The following GRK7 variants were observed in gnomAD, a reference collection of about 807,000 sequenced individuals.
GRK7 encodes rhodopsin kinase GRK7.
Under a neutral mutation model 34.1 loss-of-function variants are expected in GRK7, and 24 were observed. That is an observed-to-expected ratio of 0.70 (90% CI 0.51 to 0.99). The LOEUF (loss-of-function observed/expected upper bound fraction) is 0.99, where lower values mean the gene tolerates loss of function less well. GRK7 is among the 50% of genes least tolerant of loss of function. The probability of loss-of-function intolerance (pLI) is 0.00; values close to 1 mark genes in which losing one functional copy is unlikely to be tolerated. For synonymous variants in GRK7, 256 were observed against 279.4 expected, an observed-to-expected ratio of 0.92 and a Z score of 0.84; for missense variants, 644 against 707.3, an observed-to-expected ratio of 0.91 and a Z score of 1.02.
intron 2 of GRK7, among the ~76,000 whole-genome samples, chr3:141,777,431 T>C (rs2084645359): frequency 7.1e-6 from 1 of 141,408 alleles, no homozygotes. Context: ...TTCACGCCAT[T>C]CTCCTGCCTC....
intron 4 of GRK7, among the ~76,000 whole-genome samples, chr3:141,784,622 AC>A (rs1448624999): frequency 3.3e-5 from 5 of 152,170 alleles, no homozygotes; most frequent in African/African-American, 1.2e-4. Context: ...CATTATATTC[AC>A]AACATTTCAC....
chr3:141,810,108 T>A (rs924785159), intron 5 of GRK7, among the ~76,000 whole-genome samples: 6 of 152,198 alleles, frequency 3.9e-5, no homozygotes, highest in African/African-American at 1.4e-4. Flanking sequence ...AAAGCCTTAA[T>A]AAGAAAAGAC....
At chr3:141,757,130 T>TTC in the GRK7 span, among the ~76,000 whole-genome samples, 2 of 24,236 alleles carry the variant, frequency 8.3e-5, no homozygotes, top group Admixed American at 4.2e-4. Context: ...GATCTTCTTC[T>TTC]TTTTTTTTTT....
chr3:141,800,095 C>T (rs993322114), intron 4 of GRK7, among the ~76,000 whole-genome samples: 3 of 152,056 alleles, frequency 2.0e-5, no homozygotes, highest in East Asian at 1.9e-4. Flanking sequence ...CCTCTGCCAC[C>T]CCAGCAGAGT....
intron 4 of GRK7, among the ~76,000 whole-genome samples, chr3:141,789,288 C>G (rs2084711572): frequency 6.6e-6 from 1 of 152,120 alleles, no homozygotes; most frequent in African/African-American, 2.4e-5. Context: ...TGAGCAGTGT[C>G]CCTGGGAGTC....
chr3:141,811,490 A>T (rs557142266), intron 5 of GRK7, among the ~76,000 whole-genome samples: 20 of 152,152 alleles, frequency 1.3e-4, no homozygotes, highest in Non-Finnish European at 2.9e-4. Context: ...CTGCTTCCTC[A>T]AGCAAAGCCT....
intron 5 of GRK7, among the ~76,000 whole-genome samples, chr3:141,808,464 C>T (rs996144594): frequency 3.9e-5 from 6 of 152,112 alleles, no homozygotes; most frequent in African/African-American, 1.2e-4. Context: ...CCTGTAATGC[C>T]AGTACTTTGG....
At chr3:141,792,279 C>T (rs1208542334) in intron 4 of GRK7, among the ~76,000 whole-genome samples, 1 of 151,826 alleles carries the variant, frequency 6.6e-6, no homozygotes, top group Non-Finnish European at 1.5e-5. Context: ...TAGCACATGC[C>T]TGTAGTCCCA....
intron 4 of GRK7, among the ~76,000 whole-genome samples, chr3:141,803,400 CA>C (rs1460544534): frequency 1.3e-5 from 2 of 150,694 alleles, no homozygotes; most frequent in Non-Finnish European, 2.9e-5. Flanking sequence ...CACTGCACTC[CA>C]GACGGCGACA....
chr3:141,816,883 G>A lies in GRK7; in HGVS notation c.1495G>A (p.Asp499Asn), dbSNP rs775054575. ...TGAGGTTCGGGGGGTGGAATTTGAT[G>A]ACAAAGATAAGCAGTTCTTCAAAAA... is the stretch of plus-strand genomic sequence containing the variant. ...FSEVRGVEFDDKDKQFFKNFA... is the reference protein window; with the variant it reads ...FSEVRGVEFDNKDKQFFKNFA... Residue 499 changes from aspartate (D) to asparagine (N), a missense_variant, in exon 6 of 6, where the codon GAC becomes AAC. Asp to Asn is a conservative substitution (Grantham distance 23, BLOSUM62 1). Transcript: ENST00000682958. 37 of 1,614,036 alleles carry A rather than the reference G, an allele frequency of 2.3e-5. No homozygotes were observed. The highest frequency in any genetic ancestry group is 1.7e-4 in the Admixed American group (10 of 59,994).
intron 5 of GRK7, 121 bp from the exon 6 acceptor site, chr3:141,816,593 T>C (rs1027577360): frequency 5.0e-5 from 28 of 555,652 alleles, no homozygotes; most frequent in Non-Finnish European, 8.3e-5. Context: ...TATGTTATTA[T>C]ATTGTCTTTG....
the GRK7 span, among the ~76,000 whole-genome samples, chr3:141,753,037 T>C: frequency 1.2e-4 from 18 of 152,326 alleles, no homozygotes; most frequent in African/African-American, 4.1e-4. Context: ...AAACCCAGTC[T>C]ATGGCATTTT....
At chr3:141,786,774 G>A (rs1253605004) in intron 4 of GRK7, among the ~76,000 whole-genome samples, 2 of 147,328 alleles carry the variant, frequency 1.4e-5, no homozygotes, top group East Asian at 2.0e-4. Context: ...TAAGACTCTC[G>A]GAAAAAAAAA....
intron 4 of GRK7, among the ~76,000 whole-genome samples, chr3:141,807,016 T>G (rs1439303017): frequency 3.3e-5 from 5 of 152,100 alleles, no homozygotes; most frequent in Admixed American, 1.3e-4. Context: ...TCAGTAGAAG[T>G]GTGCCTATAA....
chr3:141,760,276 A>T, upstream of GRK7, among the ~76,000 whole-genome samples: 7 of 98,370 alleles, frequency 7.1e-5, no homozygotes, highest in Non-Finnish European at 1.1e-4. Flanking sequence ...CCCTCTACAC[A>T]CTGCTTTGAA....
intron 4 of GRK7, among the ~76,000 whole-genome samples, chr3:141,786,127 A>G (rs2084695086): frequency 6.6e-6 from 1 of 152,144 alleles, no homozygotes; most frequent in Non-Finnish European, 1.5e-5. Context: ...AGGAGGCTGA[A>G]AAATAGAGTA....
chr3:141,751,193 G>T, the GRK7 span, among the ~76,000 whole-genome samples: 1 of 152,086 alleles, frequency 6.6e-6, no homozygotes, highest in African/African-American at 2.4e-5. Flanking sequence ...TAAATTTATT[G>T]GGACTTAAAC....
the GRK7 span, among the ~76,000 whole-genome samples, chr3:141,754,532 C>A: frequency 2.0e-5 from 3 of 151,088 alleles, no homozygotes; most frequent in Admixed American, 2.0e-4. Flanking sequence ...CCTCTACCTC[C>A]TGGGTTCGAG....
chr3:141,788,159 T>C (rs1316676592), intron 4 of GRK7, among the ~76,000 whole-genome samples: 1 of 152,110 alleles, frequency 6.6e-6, no homozygotes, highest in Non-Finnish European at 1.5e-5. Flanking sequence ...TGTGCCTCCC[T>C]GGGGGGGCAC....
Sources: allele counts gnomAD v4.1 joint callset (sites outside exome capture counted in the v4.1 genomes callset), GRCh38; gene constraint gnomAD v4.1.1; transcripts MANE v1.5; gene names NCBI Gene and HGNC (gene_info 2026-07-23, HGNC 2026-07-21).